HTT: variants seen among roughly 807,000 people sequenced by gnomAD.
The protein encoded by HTT is huntington disease protein.
In HTT, 104 loss-of-function variants were observed where a neutral mutation model predicts 362.3. That is an observed-to-expected ratio of 0.29 (90% confidence interval 0.24 to 0.34). The LOEUF (loss-of-function observed/expected upper bound fraction) is 0.34, where lower values mean the gene tolerates loss of function less well. Among genes scored for constraint, HTT ranks in the 10% least tolerant of loss-of-function variants. The pLI is 1.00. For missense variants in HTT, 3,301 were observed against 3,928.6 expected (o/e 0.84, Z 4.27); for synonymous variants, 1,577 against 1,548.7 (o/e 1.02, Z -0.43).
At chr4:3,123,862 T>G (rs906156150) in intron 10 of HTT, among the ~76,000 whole-genome samples, 1 of 152,264 alleles carries the variant, frequency 6.6e-6, no homozygotes, top group East Asian at 1.9e-4. Flanking sequence ...GCAATGCCAG[T>G]TATTTTCTTT....
At chr4:3,164,825 G>A (rs1717621296) in intron 29 of HTT, among the ~76,000 whole-genome samples, 1 of 152,122 alleles carries the variant, frequency 6.6e-6, no homozygotes, top group African/African-American at 2.4e-5. Flanking sequence ...CTTTGCATGT[G>A]AGATGGGTCT....
Position 3,132,920 on chromosome 4 carries a change from A to G in HTT, c.2493+9A>G. The G allele has an allele frequency of 1.3e-6, 2 of 1,580,168 alleles. No homozygotes were observed. The highest frequency in any genetic ancestry group is 1.7e-6 in the Non-Finnish European group (2 of 1,149,160). ...CTTGTACAGCTGTGAGGGTGAGCAT[A>G]ATCTTCTGTGGAACCATTTCTTCAC... On this transcript the variant is annotated intron_variant, in intron 18 of 66. Transcript: ENST00000355072.
chr4:3,126,589 A>T (rs543762911), intron 11 of HTT, among the ~76,000 whole-genome samples: 1 of 152,202 alleles, frequency 6.6e-6, no homozygotes, highest in South Asian at 2.1e-4. Flanking sequence ...TGATTACACA[A>T]ATTAAACAAC....
At chr4:3,141,906 A>G (rs980967723) in intron 22 of HTT, among the ~76,000 whole-genome samples, 2 of 152,254 alleles carry the variant, frequency 1.3e-5, no homozygotes, top group African/African-American at 4.8e-5. Context: ...TACTCCTTTA[A>G]GATAAGTAGA....
chr4:3,189,139 C>T (rs1438705712), intron 40 of HTT, 46 bp downstream of exon 40: 13 of 1,586,000 alleles, frequency 8.2e-6, no homozygotes, highest in African/African-American at 1.3e-5. Context: ...GTTCCCCATT[C>T]TGCACTATAC....
chr4:3,216,207 A>G (rs1720391126), intron 51 of HTT, among the ~76,000 whole-genome samples: 1 of 152,170 alleles, frequency 6.6e-6, no homozygotes, highest in African/African-American at 2.4e-5. Context: ...AGGTTTTGTA[A>G]TTAGAGAATG....
chr4:3,238,975 C>T lies in HTT; in HGVS notation c.9212C>T (p.Ala3071Val), dbSNP rs1443954791. The change falls in exon 66 of 67, where the codon GCG becomes GTG. Residue 3071 changes from alanine (A) to valine (V), a missense_variant. Ala to Val is a moderately conservative substitution (Grantham distance 64). Transcript: ENST00000355072. ...GCGTCCACCAGCCCGTGGGTCGCGGCGATGTATCCTCTCTGGGTCCCTGGT... is the reference window on the plus strand; with the variant it reads ...GCGTCCACCAGCCCGTGGGTCGCGGTGATGTATCCTCTCTGGGTCCCTGGT... Reference protein sequence around the residue: ...VSASTSPWVAAILPHVISRMG... With the variant: ...VSASTSPWVAVILPHVISRMG... The T allele has an allele frequency of 1.2e-6, 2 of 1,603,522 alleles. No individual in the cohort carries two copies. Among genetic ancestry groups the T allele is most frequent in the African/African-American group, 1.3e-5 (1 of 74,896 alleles).
At chr4:3,177,517 A>G (rs1165803917) in intron 34 of HTT, 130 bp downstream of exon 34, 1 of 603,148 alleles carries the variant, frequency 1.7e-6, no homozygotes, top group Non-Finnish European at 2.9e-6. Flanking sequence ...AATCTGACTA[A>G]CATACTGTGC....
At chr4:3,133,145 C>T (rs1715900405) in intron 18 of HTT, among the ~76,000 whole-genome samples, 1 of 152,114 alleles carries the variant, frequency 6.6e-6, no homozygotes, top group Admixed American at 6.6e-5. Flanking sequence ...AAATAGACCT[C>T]TTCCTAAAGG....
intron 22 of HTT, among the ~76,000 whole-genome samples, chr4:3,142,049 T>G (rs2110199637): frequency 6.6e-6 from 1 of 152,340 alleles, no homozygotes; most frequent in East Asian, 1.9e-4. Context: ...GATTACTAAC[T>G]ACTACTTGGA....
chr4:3,125,987 T>TG (rs1715503528), intron 11 of HTT, among the ~76,000 whole-genome samples: 1 of 152,180 alleles, frequency 6.6e-6, no homozygotes, highest in Non-Finnish European at 1.5e-5. Context: ...GATGAAAAAT[T>TG]GCCTATGGAT....
chr4:3,103,369 C>T (rs540460256), intron 3 of HTT, among the ~76,000 whole-genome samples: 48 of 151,608 alleles, frequency 3.2e-4, no homozygotes, highest in Admixed American at 1.3e-4. Context: ...GGATTACAGG[C>T]GCCCACCACC....
chr4:3,094,575 C>T (rs1440368412), intron 2 of HTT, among the ~76,000 whole-genome samples: 12 of 140,418 alleles, frequency 8.5e-5, no homozygotes, highest in African/African-American at 2.6e-4. Flanking sequence ...GGCGGGTGGC[C>T]GGGCGGGGGC....
intron 4 of HTT, among the ~76,000 whole-genome samples, 181 bp downstream of exon 4, chr4:3,104,064 C>A (rs1165316444): frequency 6.6e-6 from 1 of 152,100 alleles, no homozygotes; most frequent in African/African-American, 2.4e-5. Flanking sequence ...AAGCATTTAT[C>A]CTTTGTGTTA....
At chr4:3,125,697 C>G (rs1029853798) in intron 11 of HTT, 68 bp downstream of exon 11, 222 of 1,146,244 alleles carry the variant, frequency 1.9e-4, no homozygotes, top group Non-Finnish European at 2.7e-4. Flanking sequence ...GCCCTTCCTG[C>G]TCGTCCCCCT....
At chr4:3,159,370 C>G (rs1717326326) in intron 28 of HTT, among the ~76,000 whole-genome samples, 1 of 152,176 alleles carries the variant, frequency 6.6e-6, no homozygotes, top group Non-Finnish European at 1.5e-5. Context: ...TCCCACTTAC[C>G]TGTTGTCCAG....
intron 39 of HTT, chr4:3,188,195 AG>A (rs1578572525): frequency 4.1e-6 from 1 of 242,340 alleles, no homozygotes; most frequent in East Asian, 8.9e-5. Flanking sequence ...CGCTGACGTC[AG>A]GGAAGTTGAA....
chr4:3,127,511 T>C lies in HTT; in HGVS notation c.1650T>C (p.Asp550=), dbSNP rs1420951324. ...VPSDPAMDLN[D]GTQASSPISD... ...CTGACCCTGCCATGGACCTGAATGATGGGACCCAGGCCTCGTCGCCCATCA... is the reference window on the plus strand; with the variant it reads ...CTGACCCTGCCATGGACCTGAATGACGGGACCCAGGCCTCGTCGCCCATCA... Residue 550 remains aspartate, a synonymous_variant, in exon 12 of 67, where the codon GAT becomes GAC. Coordinates refer to ENST00000355072, the MANE Select transcript of HTT (RefSeq NM_001388492.1). 1.9e-6 allele frequency: 3 copies of C among 1,614,192 alleles called. No individual in the cohort carries two copies. Among genetic ancestry groups the C allele is most frequent in the East Asian group, 2.2e-5 (1 of 44,880 alleles).
rs112260178 is a variant in HTT, at chr4:3,212,076, C to G, written c.6562C>G (p.His2188Asp). ...CGTGCAGCAGCTCCCTGCTGTCCATCATGTCTTCCAGCCCGAGCTGCCTGC... is the reference window on the plus strand; with the variant it reads ...CGTGCAGCAGCTCCCTGCTGTCCATGATGTCTTCCAGCCCGAGCTGCCTGC... ...GTVQQLPAVHHVFQPELPAEP... is the reference protein window; with the variant it reads ...GTVQQLPAVHDVFQPELPAEP... The change falls in exon 48 of 67, where the codon CAT becomes GAT. Residue 2188 changes from histidine (H) to aspartate (D), a missense_variant. His to Asp is a moderately conservative substitution (Grantham distance 81). Around this residue, in one of 4 missense-constraint regions of HTT, gnomAD observed 220 missense variants for 218.5 expected, o/e 1.01. Transcript: ENST00000355072. The G allele has an allele frequency of 5.0e-6, 8 of 1,614,222 alleles. No individual in the cohort carries two copies. The highest frequency in any genetic ancestry group is 6.8e-6 in the Non-Finnish European group (8 of 1,180,034).
Sources: allele counts gnomAD v4.1 joint callset (sites outside exome capture counted in the v4.1 genomes callset), GRCh38; gene constraint gnomAD v4.1.1; regional missense constraint gnomAD v4.1.1; transcripts MANE v1.5; gene names NCBI Gene and HGNC (gene_info 2026-07-23, HGNC 2026-07-21).